EPHA3: variants seen among roughly 807,000 people sequenced by gnomAD.
EPHA3 encodes the protein EPH receptor A3, also known as ephrin type-A receptor 3.
Under a neutral mutation model 107.1 loss-of-function variants are expected in EPHA3, and 42 were observed. The ratio of observed to expected loss-of-function variants is 0.39; its 90% CI spans 0.31 to 0.51. EPHA3 has a LOEUF of 0.51. Among genes scored for constraint, EPHA3 ranks in the 20% least tolerant of loss-of-function variants. The probability of loss-of-function intolerance (pLI) is 0.78; values close to 1 mark genes in which losing one functional copy is unlikely to be tolerated. For missense variants in EPHA3, 1,183 were observed against 1,211.2 expected (o/e 0.98, Z 0.35); for synonymous variants, 461 against 424.8 (o/e 1.09, Z -1.05).
At chr3:89,217,567 A>G (rs2107197657) in intron 3 of EPHA3, among the ~76,000 whole-genome samples, 1 of 152,306 alleles carries the variant, frequency 6.6e-6, no homozygotes, top group African/African-American at 2.4e-5. Context: ...GGGATTCCAA[A>G]GGCGAGTCAT....
In EPHA3 at chr3:89,480,909, G is replaced by A. The variant is rs1412230571; in HGVS notation, c.*1407G>A. 3 of 231,496 alleles carry A rather than the reference G, an allele frequency of 1.3e-5. No homozygotes were observed. Among genetic ancestry groups the A allele is most frequent in the East Asian group, 1.2e-4 (2 of 16,268 alleles). The allele number at this position is 231,496 out of a possible 1,614,324, so 14.3% of individuals were successfully genotyped here. On this transcript the variant is annotated 3_prime_UTR_variant, in exon 17 of 17. Transcript: ENST00000336596. ...CAGAATAGTTGGTCATCTAGCAACC[G>A]CCTCAAAATGTGTAAGCAGGAGAGA...
intron 5 of EPHA3, among the ~76,000 whole-genome samples, chr3:89,387,822 T>A (rs1472956178): frequency 6.6e-6 from 1 of 152,134 alleles, no homozygotes; most frequent in Non-Finnish European, 1.5e-5. Flanking sequence ...TTTTTTAAAA[T>A]TTTTTATTTC....
In EPHA3 at chr3:89,450,429, A is replaced by T. The variant is rs111758670; in HGVS notation, c.2690+59A>T. 5.5e-4 allele frequency: 846 copies of T among 1,543,076 alleles called. 10 individuals carry two copies. The African/African-American group carries it at 9.9e-3, about 18-fold the overall frequency. On this transcript the variant is annotated intron_variant, in intron 15 of 16. Transcript: ENST00000336596. The stretch of plus-strand genomic sequence containing the variant: ...CTGAAATTTGTGTTTGCTATCTCCA[A>T]GATGTTAATTTTTTTAGCCCACCCC...
At chr3:89,132,622 C>T (rs904345790) in intron 2 of EPHA3, among the ~76,000 whole-genome samples, 4 of 152,116 alleles carry the variant, frequency 2.6e-5, no homozygotes, top group Non-Finnish European at 4.4e-5. Context: ...GTAATCCCAG[C>T]GCTTTGAGAG....
intron 11 of EPHA3, among the ~76,000 whole-genome samples, chr3:89,420,384 A>C (rs1182366165): frequency 6.6e-6 from 1 of 151,464 alleles, no homozygotes; most frequent in Non-Finnish European, 1.5e-5. Flanking sequence ...TCATGAGAGC[A>C]TGGTTTAATT....
intron 2 of EPHA3, among the ~76,000 whole-genome samples, chr3:89,186,226 A>G (rs544388213): frequency 2.7e-4 from 41 of 152,146 alleles, no homozygotes; most frequent in African/African-American, 9.6e-4. Context: ...TTATCATGAT[A>G]TATTAATCCA....
chr3:89,423,783 T>C (rs532833515), intron 11 of EPHA3, among the ~76,000 whole-genome samples: 9 of 151,604 alleles, frequency 5.9e-5, no homozygotes, highest in East Asian at 3.9e-4. Flanking sequence ...TTTTGACTTA[T>C]AGAAAAGTGT....
chr3:89,123,616 A>G (rs1704017097), intron 1 of EPHA3, among the ~76,000 whole-genome samples: 1 of 152,140 alleles, frequency 6.6e-6, no homozygotes, highest in Non-Finnish European at 1.5e-5. Flanking sequence ...CTAGTCATAC[A>G]TCTCTATTTA....
intron 2 of EPHA3, among the ~76,000 whole-genome samples, chr3:89,129,414 T>TC (rs1236491956): frequency 6.6e-6 from 1 of 151,856 alleles, no homozygotes; most frequent in African/African-American, 2.4e-5. Flanking sequence ...AAAGAGACAC[T>TC]CCCCAATAGT....
intron 2 of EPHA3, among the ~76,000 whole-genome samples, chr3:89,185,300 G>A (rs1464711307): frequency 6.6e-6 from 1 of 151,942 alleles, no homozygotes; most frequent in South Asian, 2.1e-4. Flanking sequence ...AAAGTTTGGT[G>A]ACTTTGCTGT....
chr3:89,204,149 C>G (rs1179071728), intron 2 of EPHA3, among the ~76,000 whole-genome samples: 3 of 152,134 alleles, frequency 2.0e-5, no homozygotes, highest in Non-Finnish European at 4.4e-5. Context: ...CATAATAATT[C>G]TGATTCTTTT....
chr3:89,114,891 G>C (rs1707216706), intron 1 of EPHA3, among the ~76,000 whole-genome samples: 1 of 152,196 alleles, frequency 6.6e-6, no homozygotes, highest in Admixed American at 6.5e-5. Context: ...CCTTGGACGG[G>C]CCTGGCAGGT....
At chr3:89,295,104 T>C (rs1385687285) in intron 3 of EPHA3, among the ~76,000 whole-genome samples, 4 of 152,284 alleles carry the variant, frequency 2.6e-5, no homozygotes, top group South Asian at 2.1e-4. Flanking sequence ...TATTCCAGAC[T>C]ATAGCAATAA....
chr3:89,269,872 G>T (rs1336957959), intron 3 of EPHA3, among the ~76,000 whole-genome samples: 5 of 150,092 alleles, frequency 3.3e-5, no homozygotes, highest in Non-Finnish European at 7.4e-5. Flanking sequence ...TTTGATGCAT[G>T]CCCTTGTCTG....
chr3:89,357,685 A>G (rs1707997232), intron 5 of EPHA3, among the ~76,000 whole-genome samples: 1 of 151,252 alleles, frequency 6.6e-6, no homozygotes. Context: ...TTCTATTGAA[A>G]TGATTTCAAA....
intron 5 of EPHA3, among the ~76,000 whole-genome samples, chr3:89,383,326 G>C (rs1429496171): frequency 6.6e-6 from 1 of 152,160 alleles, no homozygotes; most frequent in Non-Finnish European, 1.5e-5. Flanking sequence ...CCCAAGAATA[G>C]CCTTTCCGAA....
intron 16 of EPHA3, among the ~76,000 whole-genome samples, chr3:89,475,461 CGTTA>C (rs1474026130): frequency 6.6e-6 from 1 of 152,132 alleles, no homozygotes; most frequent in African/African-American, 2.4e-5. Context: ...AATTTATTTT[CGTTA>C]GTTTAGAGAT....
intron 5 of EPHA3, among the ~76,000 whole-genome samples, chr3:89,345,289 C>T (rs1167641845): frequency 6.6e-6 from 1 of 151,198 alleles, no homozygotes; most frequent in Admixed American, 6.6e-5. Flanking sequence ...ATCTGAGAAG[C>T]TTTTTCAACA....
chr3:89,373,171 G>T, intron 5 of EPHA3, among the ~76,000 whole-genome samples: 1 of 151,626 alleles, frequency 6.6e-6, no homozygotes, highest in Admixed American at 6.6e-5. Context: ...TCTTTGCAAG[G>T]GCAAAGACTT....
Sources: gnomAD v4.1 joint callset for allele counts (sites outside exome capture counted in the v4.1 genomes callset) on GRCh38, gnomAD v4.1.1 for gene constraint, MANE v1.5 for transcripts, NCBI Gene and HGNC (gene_info 2026-07-23, HGNC 2026-07-21) for gene names.